The following APBA2 variants were observed in gnomAD, a reference collection of about 807,000 sequenced individuals.
APBA2 encodes amyloid-beta A4 precursor protein-binding family A member 2.
APBA2 carries 30 observed loss-of-function variants against 75.0 expected under a neutral mutation model. The ratio of observed to expected loss-of-function variants is 0.40; its 90% CI spans 0.30 to 0.54. The LOEUF is 0.54. APBA2 is among the 20% of genes least tolerant of loss of function. The pLI is 0.49. For synonymous variants in APBA2, 444 were observed against 409.6 expected (o/e 1.08, Z -1.01); for missense variants, 801 against 1,016.1 (o/e 0.79, Z 2.88).
At chr15:29,044,803 A>G (rs1157365724) in intron 3 of APBA2, among the ~76,000 whole-genome samples, 1 of 152,228 alleles carries the variant, frequency 6.6e-6, no homozygotes, top group Non-Finnish European at 1.5e-5. Flanking sequence ...TTAGTGTCTT[A>G]GTCAGCTCAG....
At chr15:29,006,608 G>A (rs1265432312) in intron 3 of APBA2, among the ~76,000 whole-genome samples, 1 of 152,162 alleles carries the variant, frequency 6.6e-6, no homozygotes, top group Non-Finnish European at 1.5e-5. Flanking sequence ...TGAAGATGAA[G>A]GAAGAGCAAA....
At chr15:29,003,595 A>G (rs2038962200) in intron 3 of APBA2, among the ~76,000 whole-genome samples, 2 of 152,236 alleles carry the variant, frequency 1.3e-5, no homozygotes, top group South Asian at 4.1e-4. Context: ...GGCTTGGTCT[A>G]TTAGTCAGGT....
intron 2 of APBA2, among the ~76,000 whole-genome samples, chr15:28,953,958 G>A (rs1050440599): frequency 6.6e-6 from 1 of 152,082 alleles, no homozygotes; most frequent in Non-Finnish European, 1.5e-5. Flanking sequence ...CTCACCCAGC[G>A]CTTTCCCTTA....
At position 28,915,720 on chromosome 15, in the gene APBA2, CACT is replaced by C. The variant is rs1411186226; in HGVS notation, c.-204-5917_-204-5915del. On this transcript the variant is annotated intron_variant, in intron 1 of 14. Transcript: ENST00000683413. ...CCCCATACATACCATATACCACACA[CACT>C]ACACCATGCACACAAAACACACACA... 4.6e-5 allele frequency among the ~76,000 whole-genome samples: 7 copies of C among 151,494 alleles called. No homozygotes were observed. In the East Asian group the frequency reaches 5.8e-4, roughly 13 times the overall value.
chr15:28,987,626 A>T (rs1185307385), intron 2 of APBA2, among the ~76,000 whole-genome samples: 2 of 151,118 alleles, frequency 1.3e-5, no homozygotes, highest in Non-Finnish European at 2.9e-5. Flanking sequence ...ATTTCTGCTT[A>T]TGTCTGTTCA....
chr15:29,073,972 T>G (rs1334792322), intron 4 of APBA2, among the ~76,000 whole-genome samples: 1 of 152,202 alleles, frequency 6.6e-6, no homozygotes, highest in African/African-American at 2.4e-5. Context: ...ATTGGCTAAT[T>G]TGCATTTATT....
chr15:29,083,820 C>T (rs923236253), intron 6 of APBA2, among the ~76,000 whole-genome samples: 5 of 152,092 alleles, frequency 3.3e-5, no homozygotes, highest in African/African-American at 7.2e-5. Flanking sequence ...CATGAGCCAC[C>T]GCGCCCGGCC....
intron 14 of APBA2, among the ~76,000 whole-genome samples, chr15:29,114,891 G>A (rs2044985766): frequency 1.6e-5 from 1 of 62,300 alleles, no homozygotes; most frequent in African/African-American, 3.1e-5. Flanking sequence ...GTGTGGCTGT[G>A]GGTGTGTGTG....
chr15:28,939,757 TGTGCTGCAGTGCCCCTGTGG>T (rs2035082966), intron 2 of APBA2, among the ~76,000 whole-genome samples: 1 of 152,186 alleles, frequency 6.6e-6, no homozygotes, highest in Non-Finnish European at 1.5e-5. Context: ...ACATCTGGGC[TGTGCTGCAGTGCCCCTGTGG>T]GTGCAGCAGG....
At position 29,117,443 on chromosome 15, in the gene APBA2, T is replaced by TGTG. The variant is rs916758439; in HGVS notation, c.*311_*313dup. 80 of 454,628 alleles carry TGTG rather than the reference T, an allele frequency of 1.8e-4. No homozygotes were observed. Among genetic ancestry groups the TGTG allele is most frequent in the African/African-American group, 1.2e-3 (61 of 50,314 alleles). 28.2% of individuals were successfully genotyped at this position (454,628 alleles called of 1,614,324 possible). A position where few individuals can be genotyped will look rare whatever the true frequency, so the allele number is the denominator to read the frequency against. ...CGGTAGCTGTGCGTGGTGTGGAGTG[T>TGTG]GTGTCTTTCCTCCCTGAAGCTGTGC... On this transcript the variant is annotated 3_prime_UTR_variant, in exon 15 of 15. Coordinates refer to ENST00000683413, the MANE Select transcript of APBA2 (RefSeq NM_001353788.2).
At chr15:29,083,429 A>G (rs1219526916) in intron 6 of APBA2, among the ~76,000 whole-genome samples, 2 of 152,154 alleles carry the variant, frequency 1.3e-5, no homozygotes, top group Non-Finnish European at 2.9e-5. Context: ...CCTTGCCACC[A>G]TCATTCCATT....
At chr15:28,922,783 C>T (rs187305364) in intron 2 of APBA2, among the ~76,000 whole-genome samples, 3 of 152,232 alleles carry the variant, frequency 2.0e-5, no homozygotes, top group Admixed American at 6.5e-5. Flanking sequence ...CCTGTTCCTG[C>T]CTCTCAACCC....
At chr15:29,048,987 G>A (rs1253776141) in intron 3 of APBA2, among the ~76,000 whole-genome samples, 1 of 151,852 alleles carries the variant, frequency 6.6e-6, no homozygotes, top group Non-Finnish European at 1.5e-5. Flanking sequence ...AGGGTGACCA[G>A]CCATCCCAGT....
At chr15:29,014,786 G>A (rs1019831729) in intron 3 of APBA2, among the ~76,000 whole-genome samples, 1 of 149,148 alleles carries the variant, frequency 6.7e-6, no homozygotes, top group Non-Finnish European at 1.5e-5. Context: ...ATAGCTCACT[G>A]CAGCCTTGGA....
intron 2 of APBA2, among the ~76,000 whole-genome samples, chr15:28,947,117 G>A (rs1192851387): frequency 6.6e-6 from 1 of 152,192 alleles, no homozygotes; most frequent in Non-Finnish European, 1.5e-5. Context: ...GACTTCAGAC[G>A]CCAGATCTTC....
intron 3 of APBA2, among the ~76,000 whole-genome samples, chr15:29,014,827 C>T (rs901481008): frequency 6.6e-6 from 1 of 151,672 alleles, no homozygotes; most frequent in African/African-American, 2.4e-5. Flanking sequence ...TCCTGCCTGT[C>T]TCCTGAGTAG....
chr15:29,087,471 A>G (rs1021095151), intron 6 of APBA2, among the ~76,000 whole-genome samples: 1 of 152,084 alleles, frequency 6.6e-6, no homozygotes, highest in Admixed American at 6.6e-5. Context: ...TGGAACCCCC[A>G]AATCCCTTTT....
At chr15:28,988,438 A>G (rs573180782) in intron 2 of APBA2, among the ~76,000 whole-genome samples, 1 of 150,802 alleles carries the variant, frequency 6.6e-6, no homozygotes, top group African/African-American at 2.4e-5. Context: ...TAATTTTTGT[A>G]TTTTTGGTAG....
Position 28,995,596 on chromosome 15 carries a change from A to G in APBA2, c.-94-157A>G, listed in dbSNP as rs145956760. ...ACATTTTAATTATTTGTTTAGGGTA[A>G]TTTCTGATTATCTCATTAGAATTAT... On this transcript the variant is annotated intron_variant, in intron 2 of 14. Coordinates refer to ENST00000683413, the MANE Select transcript of APBA2 (RefSeq NM_001353788.2). Among the ~76,000 whole-genome samples, 4 of 152,292 alleles carry G rather than the reference A, an allele frequency of 2.6e-5. No individual in the cohort carries two copies. In the East Asian group the frequency reaches 7.7e-4, roughly 29 times the overall value.
Sources: allele counts gnomAD v4.1 joint callset (sites outside exome capture counted in the v4.1 genomes callset), GRCh38; gene constraint gnomAD v4.1.1; transcripts MANE v1.5; gene names NCBI Gene and HGNC (gene_info 2026-07-23, HGNC 2026-07-21).